The following ROR2 variants were observed in gnomAD, a reference collection of about 807,000 sequenced individuals.
ROR2 encodes the protein tyrosine-protein kinase transmembrane receptor ROR2.
In ROR2, 33 loss-of-function variants were observed where a neutral mutation model predicts 74.9. That is an observed-to-expected ratio of 0.44 (90% confidence interval 0.33 to 0.59). ROR2 has a LOEUF of 0.59. Among genes scored for constraint, ROR2 ranks in the 20% least tolerant of loss-of-function variants. ROR2 has a pLI of 0.02. For missense variants in ROR2, 1,216 were observed against 1,313.8 expected (o/e 0.93, Z 1.15); for synonymous variants, 586 against 558.7 (o/e 1.05, Z -0.69).
At chr9:91,801,517 GA>G (rs1180415219) in intron 1 of ROR2, among the ~76,000 whole-genome samples, 1 of 152,088 alleles carries the variant, frequency 6.6e-6, no homozygotes, top group African/African-American at 2.4e-5. Flanking sequence ...ATTTTTTGTA[GA>G]GACGGGATTT....
In ROR2 at chr9:91,735,606, C is replaced by CTTTTTTTTTTTT. The variant is rs35146225; in HGVS notation, c.622+1773_622+1784dup. ...GCACGGTTCCTACTAAGGGCTCTAA[C>CTTTTTTTTTTTT]TTTTTTTTTTTTTTTTTTTTTTTTT... On this transcript the variant is annotated intron_variant, in intron 5 of 8. Coordinates refer to ENST00000375708, the MANE Select transcript of ROR2 (RefSeq NM_004560.4). Among the ~76,000 whole-genome samples the CTTTTTTTTTTTT allele has an allele frequency of 8.1e-4, 64 of 79,008 alleles. 4 individuals carry two copies. Among genetic ancestry groups the CTTTTTTTTTTTT allele is most frequent in the Middle Eastern group, 7.4e-3 (1 of 136 alleles). 51.8% of individuals were successfully genotyped at this position (79,008 alleles called of 152,430 possible). A position where few individuals can be genotyped will look rare whatever the true frequency, so the allele number is the denominator to read the frequency against.
chr9:91,931,357 A>G (rs1337829943), intron 1 of ROR2, among the ~76,000 whole-genome samples: 1 of 152,232 alleles, frequency 6.6e-6, no homozygotes, highest in African/African-American at 2.4e-5. Flanking sequence ...TTAAGAGTAG[A>G]ATTCTCAGTA....
intron 2 of ROR2, among the ~76,000 whole-genome samples, chr9:91,775,279 C>T (rs1260816882): frequency 6.6e-6 from 1 of 152,216 alleles, no homozygotes; most frequent in Non-Finnish European, 1.5e-5. Flanking sequence ...GTTCTATTGA[C>T]CCTACAAATC....
chr9:91,903,417 A>G (rs1445687798), intron 1 of ROR2, among the ~76,000 whole-genome samples: 1 of 152,050 alleles, frequency 6.6e-6, no homozygotes, highest in Non-Finnish European at 1.5e-5. Flanking sequence ...CCCCCAAAAT[A>G]AATGGAAATG....
intron 1 of ROR2, among the ~76,000 whole-genome samples, chr9:91,844,661 C>G (rs1174678669): frequency 3.9e-5 from 6 of 152,190 alleles, no homozygotes; most frequent in Admixed American, 3.3e-4. Flanking sequence ...GGCCCCATGT[C>G]CAGCCCCCAT....
At chr9:91,881,079 AG>A (rs1346046957) in intron 1 of ROR2, among the ~76,000 whole-genome samples, 1 of 152,164 alleles carries the variant, frequency 6.6e-6, no homozygotes, top group Non-Finnish European at 1.5e-5. Context: ...AGATGGCTAG[AG>A]GGGGGAGAAG....
At chr9:91,791,199 A>T (rs1235071190) in intron 1 of ROR2, among the ~76,000 whole-genome samples, 1 of 152,186 alleles carries the variant, frequency 6.6e-6, no homozygotes, top group African/African-American at 2.4e-5. Flanking sequence ...CAGATGGTGC[A>T]TTGAAATCTT....
intron 4 of ROR2, among the ~76,000 whole-genome samples, chr9:91,751,421 A>G (rs761881495): frequency 6.6e-6 from 1 of 152,258 alleles, no homozygotes. Flanking sequence ...GACAGGAATC[A>G]TAAAAACGGT....
At chr9:91,903,229 A>AT (rs1237014914) in intron 1 of ROR2, among the ~76,000 whole-genome samples, 2 of 151,998 alleles carry the variant, frequency 1.3e-5, no homozygotes, top group Admixed American at 6.6e-5. Context: ...GAGCAACAGG[A>AT]TTTTTTTTCT....
intron 1 of ROR2, among the ~76,000 whole-genome samples, chr9:91,788,464 A>G (rs73513246): frequency 0.063 from 9,629 of 152,106 alleles, 569 homozygotes; most frequent in Admixed American, 0.17. Flanking sequence ...GGTTTATCTC[A>G]TAAAAGGGAT....
intron 1 of ROR2, among the ~76,000 whole-genome samples, chr9:91,851,071 G>A (rs953409647): frequency 5.9e-5 from 9 of 152,050 alleles, no homozygotes; most frequent in East Asian, 3.9e-4. Flanking sequence ...CATAGATTCC[G>A]GCCGGGCGCG....
intron 1 of ROR2, among the ~76,000 whole-genome samples, chr9:91,906,622 T>C (rs1391644895): frequency 6.6e-6 from 1 of 152,196 alleles, no homozygotes; most frequent in Admixed American, 6.5e-5. Context: ...GTTCTTTCGT[T>C]GTTGTTATTT....
At chr9:91,808,774 C>T (rs1049619226) in intron 1 of ROR2, among the ~76,000 whole-genome samples, 6 of 151,578 alleles carry the variant, frequency 4.0e-5, no homozygotes, top group Admixed American at 6.6e-5. Context: ...CTGGCTAACA[C>T]GGTGAAACTA....
At chr9:91,831,751 C>T (rs1440129066) in intron 1 of ROR2, among the ~76,000 whole-genome samples, 5 of 152,032 alleles carry the variant, frequency 3.3e-5, no homozygotes, top group Non-Finnish European at 1.5e-5. Context: ...GGAGGCGGAG[C>T]TTGCAGTGAG....
At chr9:91,887,670 G>A (rs964362081) in intron 1 of ROR2, among the ~76,000 whole-genome samples, 5 of 152,092 alleles carry the variant, frequency 3.3e-5, no homozygotes, top group Non-Finnish European at 7.4e-5. Context: ...GCACTGAGTA[G>A]GAGAAGCATG....
chr9:91,885,985 T>TG (rs1472763964), intron 1 of ROR2, among the ~76,000 whole-genome samples: 1 of 149,980 alleles, frequency 6.7e-6, no homozygotes, highest in Non-Finnish European at 1.5e-5. Context: ...GCGATTTTCC[T>TG]GCCTCAGCCT....
intron 1 of ROR2, among the ~76,000 whole-genome samples, chr9:91,906,171 G>A (rs1234574230): frequency 6.6e-6 from 1 of 152,156 alleles, no homozygotes; most frequent in Non-Finnish European, 1.5e-5. Context: ...AGAAGGAGGT[G>A]GCAGGGCTGA....
Position 91,723,868 on chromosome 9 carries a change from T to C in ROR2, c.2626A>G (p.Thr876Ala). 1 of 1,614,044 alleles carries C rather than the reference T, an allele frequency of 6.2e-7. No homozygotes were observed. ...GCCATGGATGTGTTGGAGGGGGCCG[T>C]GGTGACGTAGCCTGTGCTGGTGGAG... ...SGSTSTGYVT[T>A]APSNTSMADR... Residue 876 changes from threonine to alanine, a missense_variant, in exon 9 of 9, where the codon ACG becomes GCG. Physicochemically the swap from Thr to Ala is moderately conservative, Grantham distance 58. Transcript: ENST00000375708.
At chr9:91,759,707 T>G (rs1050550706) in intron 2 of ROR2, among the ~76,000 whole-genome samples, 1 of 152,106 alleles carries the variant, frequency 6.6e-6, no homozygotes, top group African/African-American at 2.4e-5. Flanking sequence ...AGACTAGCAT[T>G]GAAAAGAATA....
Sources: allele counts gnomAD v4.1 joint callset (sites outside exome capture counted in the v4.1 genomes callset), GRCh38; gene constraint gnomAD v4.1.1; transcripts MANE v1.5; gene names NCBI Gene and HGNC (gene_info 2026-07-23, HGNC 2026-07-21).